Variants in FYTTD1 observed in about 807,000 individuals in gnomAD.
FYTTD1 encodes forty-two-three domain containing 1, also known as UAP56-interacting factor.
Under a neutral mutation model 40.9 loss-of-function variants are expected in FYTTD1, and 22 were observed. The observed-to-expected ratio is 0.54, with a 90% CI of 0.38 to 0.77. The LOEUF is 0.77. FYTTD1 is among the 30% of genes least tolerant of loss of function. The pLI, the probability that FYTTD1 is intolerant of heterozygous loss-of-function variation, is 0.00. For missense variants in FYTTD1, 351 were observed against 392.2 expected (o/e 0.90, Z 0.89); for synonymous variants, 140 against 137.9 (o/e 1.01, Z -0.10).
chr3:197,776,455 C>G (rs981648081), intron 6 of FYTTD1, among the ~76,000 whole-genome samples: 2 of 148,406 alleles, frequency 1.3e-5, no homozygotes, highest in East Asian at 3.9e-4. Flanking sequence ...GAACTCCTGA[C>G]CTCATGATCC....
chr3:197,755,132 G>A (rs1227783172), intron 1 of FYTTD1, among the ~76,000 whole-genome samples: 1 of 152,216 alleles, frequency 6.6e-6, no homozygotes, highest in African/African-American at 2.4e-5. Context: ...GCTTAGATCA[G>A]TGTAGAAAGA....
At chr3:197,780,384 A>G (rs1729997271) in intron 8 of FYTTD1, among the ~76,000 whole-genome samples, 1 of 152,128 alleles carries the variant, frequency 6.6e-6, no homozygotes, top group Admixed American at 6.5e-5. Flanking sequence ...ATTCCTTTCC[A>G]ATCTTTAAAC....
intron 5 of FYTTD1, among the ~76,000 whole-genome samples, 183 bp from the exon 6 acceptor site, chr3:197,773,966 G>A (rs559096740): frequency 4.0e-5 from 6 of 148,734 alleles, no homozygotes; most frequent in East Asian, 2.0e-4. Flanking sequence ...CTAGAATAGC[G>A]CGGGCCCCTC....
rs1482501774 is a variant in FYTTD1, at chr3:197,785,304, C to T, written c.*3395C>T. 1 of 152,186 alleles carries T rather than the reference C, an allele frequency of 6.6e-6. No individual in the cohort carries two copies. The highest frequency in any genetic ancestry group is 2.4e-5 in the African/African-American group (1 of 41,440). 9.4% of individuals were successfully genotyped at this position (152,186 alleles called of 1,614,324 possible). A position where few individuals can be genotyped will look rare whatever the true frequency, so the allele number is the denominator to read the frequency against. On this transcript the variant is annotated 3_prime_UTR_variant, in exon 9 of 9. Transcript: ENST00000241502. ...CCAACCCTGCGCAATACTGAAGTCC[C>T]ACATCTGTGTAAACGAAAAGTTGGC...
chr3:197,750,161 G>A, intron 1 of FYTTD1, 87 bp downstream of exon 1: 2 of 1,032,696 alleles, frequency 1.9e-6, no homozygotes, highest in South Asian at 1.8e-5. Flanking sequence ...AGGGGCGGTC[G>A]GCAGCAGTTG....
At chr3:197,767,502 T>G (rs1462363830) in intron 2 of FYTTD1, among the ~76,000 whole-genome samples, 1 of 151,432 alleles carries the variant, frequency 6.6e-6, no homozygotes, top group Non-Finnish European at 1.5e-5. Flanking sequence ...TATTTATTTT[T>G]TAATCTATTT....
rs1170969644 is a variant in FYTTD1, at chr3:197,782,579, A to G, written c.*670A>G. The stretch of plus-strand genomic sequence containing the variant: ...TAGAGACTGTAAATGCATATTCACA[A>G]AGTTATCTGATAGGGCCTTGGAGGA... On this transcript the variant is annotated 3_prime_UTR_variant, in exon 9 of 9. Coordinates refer to ENST00000241502, the MANE Select transcript of FYTTD1 (RefSeq NM_032288.7). 6.6e-6 allele frequency: 1 copy of G among 152,202 alleles called. No individual in the cohort carries two copies. Among genetic ancestry groups the G allele is most frequent in the Non-Finnish European group, 1.5e-5 (1 of 68,040 alleles). 9.4% of individuals were successfully genotyped at this position (152,202 alleles called of 1,614,324 possible). A position where few individuals can be genotyped will look rare whatever the true frequency, so the allele number is the denominator to read the frequency against.
rs182340570 is a variant in FYTTD1 at position 197,758,879 on chromosome 3, C to A, written c.235+2322C>A. 2.4e-3 allele frequency among the ~76,000 whole-genome samples: 367 copies of A among 152,320 alleles called. 2 individuals carry two copies. The highest frequency in any genetic ancestry group is 8.1e-3 in the African/African-American group (338 of 41,568). The stretch of plus-strand genomic sequence containing the variant: ...TAGGACAGAGGAGCTCTTTGCAGAT[C>A]CGCGGTATGATTTCTGATGGCTGAA... On this transcript the variant is annotated intron_variant, in intron 2 of 8. Coordinates refer to ENST00000241502, the MANE Select transcript of FYTTD1 (RefSeq NM_032288.7).
chr3:197,750,582 G>A (rs917336648), intron 1 of FYTTD1: 45 of 985,276 alleles, frequency 4.6e-5, no homozygotes, highest in Non-Finnish European at 5.2e-5. Flanking sequence ...CTGGTCGCCG[G>A]GCGTTCCAGG....
chr3:197,773,938 C>T lies in FYTTD1; in HGVS notation c.595-211C>T, dbSNP rs186946010. Among the ~76,000 whole-genome samples, 12 of 149,938 alleles carry T rather than the reference C, an allele frequency of 8.0e-5. No individual in the cohort carries two copies. In the East Asian group the frequency reaches 2.4e-3, roughly 29 times the overall value. ...CCTCCGCAGCACTCACGCACACGCC[C>T]CACTGGGTTAGGAATTTCTAGAATA... On this transcript the variant is annotated intron_variant, in intron 5 of 8. Coordinates refer to ENST00000241502, the MANE Select transcript of FYTTD1 (RefSeq NM_032288.7).
chr3:197,781,003 C>A (rs949421065), intron 8 of FYTTD1, among the ~76,000 whole-genome samples: 1 of 151,474 alleles, frequency 6.6e-6, no homozygotes, highest in Non-Finnish European at 1.5e-5. Context: ...ATTGAAGATA[C>A]AAAGGATGGA....
chr3:197,751,646 C>G (rs770228320), intron 1 of FYTTD1, among the ~76,000 whole-genome samples: 1 of 151,010 alleles, frequency 6.6e-6, no homozygotes, highest in African/African-American at 2.4e-5. Flanking sequence ...CGCTCTCCCC[C>G]CCCGCAAAAA....
At chr3:197,755,671 A>G (rs2109036521) in intron 1 of FYTTD1, 1 of 416,748 alleles carries the variant, frequency 2.4e-6, no homozygotes, top group African/African-American at 2.1e-5. Flanking sequence ...TATTTTTAGT[A>G]GAGACGGGAT....
rs750554245 is a variant in FYTTD1, at chr3:197,773,449, C to G, written c.544C>G (p.His182Asp). The G allele has an allele frequency of 1.2e-6, 2 of 1,603,526 alleles. No homozygotes were observed. The highest frequency in any genetic ancestry group is 8.5e-7 in the Non-Finnish European group (1 of 1,173,100). ...TACCAGGAGTGGAAATAAATTAAAT[C>G]ATCAGAAAGATACTCGTCAGGCAAC... ...NFTRSGNKLNHQKDTRQATFL... is the reference protein window; with the variant it reads ...NFTRSGNKLNDQKDTRQATFL... Residue 182 changes from histidine (H) to aspartate (D), a missense_variant, in exon 5 of 9, where the codon CAT becomes GAT. Coordinates refer to ENST00000241502, the MANE Select transcript of FYTTD1 (RefSeq NM_032288.7).
chr3:197,752,702 ATG>A (rs1231340686), intron 1 of FYTTD1, among the ~76,000 whole-genome samples: 4 of 151,962 alleles, frequency 2.6e-5, no homozygotes, highest in Admixed American at 6.6e-5. Flanking sequence ...CACTACATAT[ATG>A]TGTGTATGTC....
intron 2 of FYTTD1, chr3:197,763,651 A>C: frequency 3.5e-6 from 1 of 289,148 alleles, no homozygotes; most frequent in Non-Finnish European, 6.9e-6. Context: ...ACTGAGACTA[A>C]AAAGTTTGAG....
rs546780048 is a variant in FYTTD1, at chr3:197,770,991, G to C, written c.497+747G>C. On this transcript the variant is annotated intron_variant, in intron 4 of 8. Coordinates refer to ENST00000241502, the MANE Select transcript of FYTTD1 (RefSeq NM_032288.7). ...TTGTGGAAAAATCAAACTAGAAAGGGAGAATTCTTCATGAACACTTGTTAA... is the reference window on the plus strand; with the variant it reads ...TTGTGGAAAAATCAAACTAGAAAGGCAGAATTCTTCATGAACACTTGTTAA... 2.6e-5 allele frequency among the ~76,000 whole-genome samples: 4 copies of C among 152,316 alleles called. No individual in the cohort carries two copies. The South Asian group carries it at 8.3e-4, about 32-fold the overall frequency.
In FYTTD1 at chr3:197,782,040, A is replaced by T. The variant is rs141531082; in HGVS notation, c.*131A>T. 65 of 471,542 alleles carry T rather than the reference A, an allele frequency of 1.4e-4. 1 individual carries two copies. In the East Asian group the frequency reaches 2.1e-3, roughly 15 times the overall value. The allele number at this position is 471,542 out of a possible 1,614,324, so 29.2% of individuals were successfully genotyped here. A position where few individuals can be genotyped will look rare whatever the true frequency, so the allele number is the denominator to read the frequency against. ...TAAATAACTCTTATTTTTATTTTTG[A>T]AGGTTTTTTTTTTTAAAAAAAAAAA... is the stretch of plus-strand genomic sequence containing the variant. On this transcript the variant is annotated 3_prime_UTR_variant, in exon 9 of 9. Transcript: ENST00000241502.
rs1305528274 is a variant in FYTTD1 at position 197,784,583 on chromosome 3, C to G, written c.*2674C>G. On this transcript the variant is annotated 3_prime_UTR_variant, in exon 9 of 9. Transcript: ENST00000241502. ...GGCCAAGGCGGGCGGATCATGAGGC[C>G]AGGAGCAAGACCAGCCTGGCTAACA... 1 of 152,160 alleles carries G rather than the reference C, an allele frequency of 6.6e-6. No individual in the cohort carries two copies. Among genetic ancestry groups the G allele is most frequent in the African/African-American group, 2.4e-5 (1 of 41,432 alleles). The allele number at this position is 152,160 out of a possible 1,614,324, so 9.4% of individuals were successfully genotyped here. A position where few individuals can be genotyped will look rare whatever the true frequency, so the allele number is the denominator to read the frequency against.
Sources: gnomAD v4.1 joint callset for allele counts (sites outside exome capture counted in the v4.1 genomes callset) on GRCh38, gnomAD v4.1.1 for gene constraint, MANE v1.5 for transcripts, NCBI Gene and HGNC (gene_info 2026-07-23, HGNC 2026-07-21) for gene names.